The following PECR variants were observed in gnomAD, a reference collection of about 807,000 sequenced individuals.
PECR encodes the protein peroxisomal trans-2-enoyl-CoA reductase, also known as 2,4-dienoyl-CoA reductase-related protein.
PECR carries 30 observed loss-of-function variants against 35.3 expected under a neutral mutation model. The ratio of observed to expected loss-of-function variants is 0.85; its 90% CI spans 0.64 to 1.15. The LOEUF (loss-of-function observed/expected upper bound fraction) is 1.15. Ranked by LOEUF, PECR falls within the 50% of genes most tolerant of loss-of-function variation. The probability of loss-of-function intolerance (pLI) is 0.00; values close to 1 mark genes in which losing one functional copy is unlikely to be tolerated. For missense variants in PECR, 392 were observed against 370.8 expected (o/e 1.06, Z -0.47); for synonymous variants, 148 against 138.9 (o/e 1.07, Z -0.46).
chr2:216,061,265 T>C (rs1472234787), intron 3 of PECR, among the ~76,000 whole-genome samples: 2 of 114,990 alleles, frequency 1.7e-5, no homozygotes, highest in Non-Finnish European at 3.2e-5. Context: ...TGAGCCACGA[T>C]CACATCACTG....
intron 6 of PECR, among the ~76,000 whole-genome samples, chr2:216,046,228 G>C (rs1055632531): frequency 7.2e-6 from 1 of 138,162 alleles, no homozygotes; most frequent in Non-Finnish European, 1.5e-5. Context: ...CTTAAATTTT[G>C]GTTTTAATTT....
intron 4 of PECR, among the ~76,000 whole-genome samples, chr2:216,058,145 C>T (rs964391037): frequency 6.6e-6 from 1 of 152,156 alleles, no homozygotes; most frequent in African/African-American, 2.4e-5. Context: ...ACGACGGCTG[C>T]GCTCTGCCCC....
chr2:216,040,019 G>A (rs762107667), intron 7 of PECR, among the ~76,000 whole-genome samples: 8 of 152,322 alleles, frequency 5.3e-5, no homozygotes, highest in Middle Eastern at 3.4e-3. Flanking sequence ...GAACACAGAA[G>A]TATCAGCCTT....
intron 6 of PECR, among the ~76,000 whole-genome samples, chr2:216,046,101 C>CAAA (rs766629600): frequency 1.0e-5 from 1 of 98,774 alleles, no homozygotes; most frequent in Non-Finnish European, 2.1e-5. Flanking sequence ...TCGCTTGAAC[C>CAAA]AAAAAAAAAA....
At position 216,056,119 on chromosome 2, in the gene PECR, C is replaced by G. The variant is rs146743146; in HGVS notation, c.506+2776G>C. On this transcript the variant is annotated intron_variant, in intron 4 of 7. Transcript: ENST00000265322. ...GCTTTGCTCCCCTACTAGTTGTAGACTCCCTCAGAGTGTGGATGGTATCTG... is the reference window on the plus strand; with the variant it reads ...GCTTTGCTCCCCTACTAGTTGTAGAGTCCCTCAGAGTGTGGATGGTATCTG... Among the ~76,000 whole-genome samples the G allele has an allele frequency of 5.8e-3, 882 of 152,258 alleles. 15 individuals are homozygous for G. Among genetic ancestry groups the G allele is most frequent in the African/African-American group, 0.02 (838 of 41,514 alleles).
intron 6 of PECR, among the ~76,000 whole-genome samples, chr2:216,046,289 C>CATATATATATATAT (rs1307643558): frequency 2.8e-5 from 3 of 107,998 alleles, no homozygotes; most frequent in African/African-American, 1.2e-4. Context: ...TATATATATA[C>CATATATATATATAT]ATACATATAT....
chr2:216,058,841 A>T, intron 4 of PECR, 54 bp downstream of exon 4: 1 of 957,258 alleles, frequency 1.0e-6, no homozygotes, highest in Non-Finnish European at 1.7e-6. Context: ...TGCTTCCCCC[A>T]ATCAGAAGAC....
intron 1 of PECR, among the ~76,000 whole-genome samples, chr2:216,074,545 G>GAAGGAAGA (rs1553563172): frequency 1.3e-4 from 16 of 121,566 alleles, no homozygotes; most frequent in South Asian, 2.4e-4. Context: ...AGGAAGAAAG[G>GAAGGAAGA]AAGGAAGGAA....
At chr2:216,062,320 AC>A (rs1695373191) in intron 3 of PECR, among the ~76,000 whole-genome samples, 2 of 152,236 alleles carry the variant, frequency 1.3e-5, no homozygotes, top group Non-Finnish European at 2.9e-5. Context: ...TGCTGAGATT[AC>A]AGGCATGAGC....
intron 4 of PECR, among the ~76,000 whole-genome samples, chr2:216,057,297 T>C (rs1418183581): frequency 1.3e-5 from 2 of 152,126 alleles, no homozygotes; most frequent in Non-Finnish European, 2.9e-5. Flanking sequence ...GCTCACCAAC[T>C]GGAAAATGGT....
chr2:216,039,213 A>G lies in PECR; in HGVS notation c.*62T>C, dbSNP rs1694847150. 1.1e-6 allele frequency: 1 copy of G among 884,196 alleles called. No individual in the cohort carries two copies. The highest frequency in any genetic ancestry group is 1.9e-6 in the Non-Finnish European group (1 of 513,584). 54.8% of individuals were successfully genotyped at this position (884,196 alleles called of 1,614,324 possible). On this transcript the variant is annotated 3_prime_UTR_variant, in exon 8 of 8. Transcript: ENST00000265322. Reference sequence around the variant, plus strand: ...TACCAACTATAAGCTTTTAAAAAGTACAGAAGCATATCCTCAAGATGTGAA... The same window carrying G: ...TACCAACTATAAGCTTTTAAAAAGTGCAGAAGCATATCCTCAAGATGTGAA...
chr2:216,055,113 C>CAAAAAAA (rs955021535), intron 4 of PECR, among the ~76,000 whole-genome samples: 36 of 54,500 alleles, frequency 6.6e-4, no homozygotes, highest in African/African-American at 2.4e-3. Context: ...CTGTGTCTTA[C>CAAAAAAA]AAAAAAAAAA....
chr2:216,079,704 G>A (rs1427366429), intron 1 of PECR, among the ~76,000 whole-genome samples: 4 of 149,178 alleles, frequency 2.7e-5, no homozygotes, highest in Non-Finnish European at 6.0e-5. Context: ...AAATTGGGCC[G>A]GGCACGGTGG....
chr2:216,067,073 T>A (rs1695481463), intron 1 of PECR, among the ~76,000 whole-genome samples: 2 of 152,044 alleles, frequency 1.3e-5, no homozygotes, highest in African/African-American at 4.8e-5. Context: ...CCCAGCTTGC[T>A]GCCTGGAGAA....
chr2:216,043,405 C>T (rs1027286022), intron 7 of PECR, among the ~76,000 whole-genome samples: 20 of 152,156 alleles, frequency 1.3e-4, no homozygotes, highest in African/African-American at 4.1e-4. Context: ...CCACCATACC[C>T]GGCCAAATTT....
chr2:216,067,908 C>T (rs981956175), intron 1 of PECR, among the ~76,000 whole-genome samples: 4 of 152,032 alleles, frequency 2.6e-5, no homozygotes, highest in Non-Finnish European at 4.4e-5. Flanking sequence ...AATAGCAGCA[C>T]ATAATTAGGA....
At chr2:216,061,358 T>C (rs1695345924) in intron 3 of PECR, among the ~76,000 whole-genome samples, 1 of 136,386 alleles carries the variant, frequency 7.3e-6, no homozygotes, top group Non-Finnish European at 1.6e-5. Context: ...CCTAAACCCA[T>C]TGGATAAAAG....
intron 3 of PECR, among the ~76,000 whole-genome samples, chr2:216,060,446 A>G (rs1253124905): frequency 6.6e-6 from 1 of 152,090 alleles, no homozygotes; most frequent in Non-Finnish European, 1.5e-5. Context: ...AGGATCACTT[A>G]AGGCCAGGAG....
intron 4 of PECR, among the ~76,000 whole-genome samples, chr2:216,053,027 T>TAA (rs1695149201): frequency 6.6e-6 from 1 of 151,838 alleles, no homozygotes; most frequent in Admixed American, 6.6e-5. Context: ...CTAATTTTTG[T>TAA]ATTTTTAGTA....
Sources: gnomAD v4.1 joint callset for allele counts (sites outside exome capture counted in the v4.1 genomes callset) on GRCh38, gnomAD v4.1.1 for gene constraint, MANE v1.5 for transcripts, NCBI Gene and HGNC (gene_info 2026-07-23, HGNC 2026-07-21) for gene names.